The following PAPSS1 variants were observed in gnomAD, a reference collection of about 807,000 sequenced individuals.
PAPSS1 encodes 3'-phosphoadenosine 5'-phosphosulfate synthase 1, also known as bifunctional 3'-phosphoadenosine 5'-phosphosulfate synthase 1.
Under a neutral mutation model 72.0 loss-of-function variants are expected in PAPSS1, and 50 were observed. The ratio of observed to expected loss-of-function variants is 0.69; its 90% CI spans 0.55 to 0.88. PAPSS1 has a LOEUF of 0.88. PAPSS1 is among the 40% of genes least tolerant of loss of function. PAPSS1 has a pLI of 0.00. For synonymous variants in PAPSS1, 261 were observed against 263.6 expected, an observed-to-expected ratio of 0.99 and a Z score of 0.09; for missense variants, 657 against 782.2, an observed-to-expected ratio of 0.84 and a Z score of 1.91.
chr4:107,648,944 T>C (rs1471983641), intron 9 of PAPSS1, among the ~76,000 whole-genome samples: 1 of 152,226 alleles, frequency 6.6e-6, no homozygotes, highest in East Asian at 1.9e-4. Flanking sequence ...TATAAAGATA[T>C]TAGAATTTTT....
intron 1 of PAPSS1, among the ~76,000 whole-genome samples, chr4:107,715,032 A>T (rs1723599684): frequency 6.6e-6 from 1 of 152,200 alleles, no homozygotes; most frequent in South Asian, 2.1e-4. Flanking sequence ...TAAGTAGAAA[A>T]AAAAAATAGC....
intron 1 of PAPSS1, among the ~76,000 whole-genome samples, chr4:107,718,081 C>T (rs1247596836): frequency 6.6e-6 from 1 of 152,166 alleles, no homozygotes; most frequent in Non-Finnish European, 1.5e-5. Flanking sequence ...ATTTCTTCAG[C>T]GGAACATTCT....
At chr4:107,695,386 T>G (rs1723040844) in intron 2 of PAPSS1, among the ~76,000 whole-genome samples, 1 of 152,200 alleles carries the variant, frequency 6.6e-6, no homozygotes, top group Admixed American at 6.6e-5. Flanking sequence ...TAAGGAGTTT[T>G]GGGGCTGAGA....
At chr4:107,712,689 A>G (rs1042190160) in intron 1 of PAPSS1, among the ~76,000 whole-genome samples, 13 of 151,990 alleles carry the variant, frequency 8.6e-5, no homozygotes, top group African/African-American at 3.1e-4. Context: ...CCTGGCCAAC[A>G]TTGTGAAACC....
intron 5 of PAPSS1, among the ~76,000 whole-genome samples, chr4:107,680,518 A>G (rs1332155712): frequency 6.6e-6 from 1 of 152,220 alleles, no homozygotes; most frequent in East Asian, 1.9e-4. Context: ...GCCTCCCAGT[A>G]TGCCACAGAC....
At chr4:107,647,826 A>T (rs781032771) in intron 9 of PAPSS1, among the ~76,000 whole-genome samples, 3 of 151,998 alleles carry the variant, frequency 2.0e-5, no homozygotes, top group Non-Finnish European at 4.4e-5. Flanking sequence ...TTCTTGACAG[A>T]CTCACTGGAA....
chr4:107,680,939 T>C (rs1009942422), intron 5 of PAPSS1, among the ~76,000 whole-genome samples: 1 of 152,194 alleles, frequency 6.6e-6, no homozygotes, highest in African/African-American at 2.4e-5. Context: ...TATTTCTATA[T>C]ATTCAGCTAC....
At chr4:107,652,233 A>C (rs1409779792) in intron 9 of PAPSS1, among the ~76,000 whole-genome samples, 1 of 152,202 alleles carries the variant, frequency 6.6e-6, no homozygotes, top group South Asian at 2.1e-4. Flanking sequence ...GGGCCAAACC[A>C]TCTCTGCAGT....
intron 11 of PAPSS1, among the ~76,000 whole-genome samples, chr4:107,623,115 T>G (rs1726010773): frequency 6.6e-6 from 1 of 152,198 alleles, no homozygotes. Flanking sequence ...TGTCTTTCTC[T>G]TTTCTAAACT....
At chr4:107,706,036 T>G (rs1007866214) in intron 1 of PAPSS1, among the ~76,000 whole-genome samples, 3 of 152,250 alleles carry the variant, frequency 2.0e-5, no homozygotes, top group Admixed American at 6.5e-5. Context: ...GCTAGCATTT[T>G]TGGAACTCCC....
chr4:107,639,712 T>C (rs1429422325), intron 10 of PAPSS1, among the ~76,000 whole-genome samples: 3 of 152,202 alleles, frequency 2.0e-5, no homozygotes, highest in African/African-American at 7.2e-5. Flanking sequence ...GCTTGTATAA[T>C]TAGACTCAGA....
intron 1 of PAPSS1, among the ~76,000 whole-genome samples, chr4:107,713,283 C>T (rs6533318): frequency 0.83 from 126,068 of 152,062 alleles, 53,993 homozygotes; most frequent in South Asian, 0.95. Flanking sequence ...AATAGCATAA[C>T]CCATAGAGAC....
chr4:107,708,944 C>T (rs1407624881), intron 1 of PAPSS1, among the ~76,000 whole-genome samples: 6 of 152,196 alleles, frequency 3.9e-5, no homozygotes, highest in African/African-American at 1.4e-4. Flanking sequence ...GCCAACTGTT[C>T]AAACCATGTT....
intron 5 of PAPSS1, among the ~76,000 whole-genome samples, chr4:107,670,797 C>T (rs2110329514): frequency 6.6e-6 from 1 of 152,308 alleles, no homozygotes; most frequent in Admixed American, 6.5e-5. Flanking sequence ...TTCAGTTTCC[C>T]AAAGTGCTGG....
rs1377466214 is a variant in PAPSS1, at chr4:107,720,194, C to T, written c.-15G>A. ...GGGATCTCCATGACCGCGGAGCGCG[C>T]TGAGCAGCCGGGGTTCTCTGCGCCG... On this transcript the variant is annotated 5_prime_UTR_variant, in exon 1 of 12. Transcript: ENST00000265174. The T allele has an allele frequency of 1.9e-6, 3 of 1,599,626 alleles. No individual in the cohort carries two copies. Among genetic ancestry groups the T allele is most frequent in the Non-Finnish European group, 2.6e-6 (3 of 1,174,456 alleles).
chr4:107,654,615 C>A, intron 8 of PAPSS1, 80 bp downstream of exon 8: 1 of 1,108,420 alleles, frequency 9.0e-7, no homozygotes, highest in Non-Finnish European at 1.4e-6. Context: ...AATGAAAAGT[C>A]AATACACAGA....
At chr4:107,680,910 G>C (rs1447098841) in intron 5 of PAPSS1, among the ~76,000 whole-genome samples, 3 of 152,114 alleles carry the variant, frequency 2.0e-5, no homozygotes, top group Non-Finnish European at 4.4e-5. Context: ...AAAAACATCA[G>C]AGCAGTATCG....
intron 5 of PAPSS1, among the ~76,000 whole-genome samples, chr4:107,680,083 T>C (rs768543375): frequency 2.6e-5 from 4 of 151,970 alleles, no homozygotes; most frequent in Non-Finnish European, 5.9e-5. Flanking sequence ...TGGGACAACA[T>C]ATTATTCAAC....
At chr4:107,636,152 A>G (rs1032971767) in intron 10 of PAPSS1, among the ~76,000 whole-genome samples, 1 of 152,250 alleles carries the variant, frequency 6.6e-6, no homozygotes, top group African/African-American at 2.4e-5. Context: ...AAATATTGTG[A>G]GGCAAATATG....
Sources: gnomAD v4.1 joint callset for allele counts (sites outside exome capture counted in the v4.1 genomes callset) on GRCh38, gnomAD v4.1.1 for gene constraint, MANE v1.5 for transcripts, NCBI Gene and HGNC (gene_info 2026-07-23, HGNC 2026-07-21) for gene names.